Variants in TRPM7 observed in about 807,000 individuals in gnomAD.
TRPM7 encodes transient receptor potential cation channel subfamily M member 7, also known as LTRPC ion channel family member 7.
TRPM7 carries 134 observed loss-of-function variants against 229.7 expected under a neutral mutation model. That is an observed-to-expected ratio of 0.58 (90% CI 0.51 to 0.67). TRPM7 has a LOEUF of 0.67. Ranked by LOEUF, TRPM7 falls within the 30% of genes least tolerant of loss-of-function variation. TRPM7 has a pLI of 0.00. For synonymous variants in TRPM7, 699 were observed against 715.2 expected (o/e 0.98, Z 0.36); for missense variants, 1,901 against 2,210.0 (o/e 0.86, Z 2.80).
intron 13 of TRPM7, among the ~76,000 whole-genome samples, chr15:50,614,479 A>G (rs1428637028): frequency 2.0e-5 from 3 of 152,144 alleles, no homozygotes; most frequent in Non-Finnish European, 2.9e-5. Context: ...CCTGACCAAC[A>G]TGATGAAACC....
intron 38 of TRPM7, among the ~76,000 whole-genome samples, chr15:50,565,639 A>G (rs2053564974): frequency 6.6e-6 from 1 of 152,170 alleles, no homozygotes; most frequent in African/African-American, 2.4e-5. Context: ...GACAAATCCA[A>G]TTATATTTGG....
Position 50,574,341 on chromosome 15 carries a change from G to C in TRPM7, c.5241C>G (p.Ile1747Met), listed in dbSNP as rs746461896. 4 of 1,613,818 alleles carry C rather than the reference G, an allele frequency of 2.5e-6. No individual in the cohort carries two copies. In the African/African-American group the frequency reaches 4.0e-5, roughly 16 times the overall value. ...AAGTCCAGTGGCTAAAGGCTAGCAT[G>C]ATCTCTTCCAGAGTATTAGTTGGAA... ...EIIPTNTLEE[I>M]MLAFSHWTYE... Residue 1747 changes from isoleucine (I) to methionine (M), a missense_variant, in exon 36 of 39, where the codon ATC becomes ATG. Physicochemically the swap from Ile to Met is conservative, Grantham distance 10. Around this residue, in one of 8 missense-constraint regions of TRPM7, gnomAD observed 257 missense variants for 352.0 expected, o/e 0.73. Transcript: ENST00000646667.
chr15:50,654,050 C>G (rs2061492983), intron 3 of TRPM7, among the ~76,000 whole-genome samples: 1 of 152,152 alleles, frequency 6.6e-6, no homozygotes, highest in South Asian at 2.1e-4. Context: ...GAAAATCAAA[C>G]CTGAATGGAC....
chr15:50,578,121 A>G (rs1367520995), intron 31 of TRPM7, among the ~76,000 whole-genome samples: 3 of 152,230 alleles, frequency 2.0e-5, no homozygotes, highest in Admixed American at 2.0e-4. Context: ...AATTGTTTTT[A>G]GGTGCTGATT....
intron 11 of TRPM7, among the ~76,000 whole-genome samples, chr15:50,626,321 TA>T (rs2140602037): frequency 6.6e-6 from 1 of 152,238 alleles, no homozygotes; most frequent in East Asian, 1.9e-4. Context: ...AAAGGGGATA[TA>T]ACAAAATATT....
chr15:50,634,961 T>G (rs1299177543), intron 7 of TRPM7, among the ~76,000 whole-genome samples: 1 of 152,192 alleles, frequency 6.6e-6, no homozygotes, highest in Admixed American at 6.5e-5. Context: ...CTTCTAACAT[T>G]GATTTTTATT....
chr15:50,590,123 T>C (rs552487172), intron 26 of TRPM7, among the ~76,000 whole-genome samples: 1 of 152,300 alleles, frequency 6.6e-6, no homozygotes, highest in Non-Finnish European at 1.5e-5. Flanking sequence ...CCCAAAGTGC[T>C]GGGATTACAG....
Position 50,592,464 on chromosome 15 carries a change from A to G in TRPM7, c.3771T>C (p.Ala1257=). 1 of 1,614,136 alleles carries G rather than the reference A, an allele frequency of 6.2e-7. No individual in the cohort carries two copies. Among genetic ancestry groups the G allele is most frequent in the East Asian group, 2.2e-5 (1 of 44,876 alleles). ...KTLTAQKASE[A]SKVHNEITRE... is the part of the protein sequence containing the mutation. ...GTGTGATTTCATTATGAACTTTGCT[A>G]GCTTCCGACGCTTTCTGGGCAGTGA... Residue 1257 remains alanine, a synonymous_variant, in exon 26 of 39, where the codon GCT becomes GCC. Transcript: ENST00000646667.
chr15:50,589,876 G>T (rs2059442013), intron 26 of TRPM7, among the ~76,000 whole-genome samples: 1 of 102,442 alleles, frequency 9.8e-6, no homozygotes, highest in Non-Finnish European at 2.3e-5. Flanking sequence ...TTTTAAATTT[G>T]AGAACAAGTC....
intron 1 of TRPM7, among the ~76,000 whole-genome samples, chr15:50,666,726 T>A (rs1301074322): frequency 6.6e-6 from 1 of 151,650 alleles, no homozygotes; most frequent in South Asian, 2.1e-4. Context: ...TGCTTGAACC[T>A]GGGAAGCAGA....
At chr15:50,649,627 C>G (rs1407381988) in intron 3 of TRPM7, among the ~76,000 whole-genome samples, 3 of 152,020 alleles carry the variant, frequency 2.0e-5, no homozygotes, top group African/African-American at 7.2e-5. Flanking sequence ...GTGAACTAAT[C>G]TATATAGTGA....
chr15:50,584,792 C>T (rs140957664), intron 28 of TRPM7, among the ~76,000 whole-genome samples: 5 of 152,218 alleles, frequency 3.3e-5, no homozygotes, highest in South Asian at 4.1e-4. Context: ...AGCATACTAA[C>T]TTAGGAATAA....
chr15:50,597,163 T>A (rs1028855120), intron 22 of TRPM7, among the ~76,000 whole-genome samples: 2 of 152,216 alleles, frequency 1.3e-5, no homozygotes, highest in Admixed American at 6.5e-5. Flanking sequence ...ATACCGTGAT[T>A]AGATTTGAAT....
chr15:50,570,116 G>T lies in TRPM7; in HGVS notation c.5348C>A (p.Ala1783Glu). The T allele has an allele frequency of 6.2e-7, 1 of 1,609,888 alleles. No homozygotes were observed. Among genetic ancestry groups the T allele is most frequent in the Non-Finnish European group, 8.5e-7 (1 of 1,178,298 alleles). ...TAAAACTTATTACCTCTTTTCTTCTGCTTTTATCACAGATGGGTCAGTCAA... is the reference window on the plus strand; with the variant it reads ...TAAAACTTATTACCTCTTTTCTTCTTCTTTTATCACAGATGGGTCAGTCAA... The part of the protein sequence containing the change: ...ENLTDPSVIK[A>E]EEKRSCDMVF... The change falls in exon 37 of 39, where the codon GCA (alanine) becomes GAA (glutamate). Residue 1783 changes from alanine (A) to glutamate (E), a missense_variant. Physicochemically the swap from Ala to Glu is moderately radical, Grantham distance 107. Transcript: ENST00000646667.
At chr15:50,603,194 C>T (rs564222383) in intron 21 of TRPM7, among the ~76,000 whole-genome samples, 13 of 152,080 alleles carry the variant, frequency 8.5e-5, no homozygotes, top group South Asian at 6.2e-4. Context: ...AACAGTGCAG[C>T]GTGAAAGTGC....
rs1350224500 is a variant in TRPM7 at position 50,606,199 on chromosome 15, C to T, written c.2709+1001G>A. Among the ~76,000 whole-genome samples, 7 of 152,040 alleles carry T rather than the reference C, an allele frequency of 4.6e-5. No homozygotes were observed. In the East Asian group the frequency reaches 1.2e-3, roughly 25 times the overall value. On this transcript the variant is annotated intron_variant, in intron 20 of 38. Transcript: ENST00000646667. ...TTCAAGACCAGCCTCACCAACATGG[C>T]GAAACCACATCTCTACTAAAAATAC... is the stretch of plus-strand genomic sequence containing the variant.
In TRPM7 at chr15:50,613,577, A is replaced by G. The variant is rs537266906; in HGVS notation, c.1770+130T>C. The G allele has an allele frequency of 1.8e-5, 12 of 680,246 alleles. No individual in the cohort carries two copies. In the South Asian group the frequency reaches 4.0e-4, roughly 23 times the overall value. The allele number at this position is 680,246 out of a possible 1,614,324, so 42.1% of individuals were successfully genotyped here. A position where few individuals can be genotyped will look rare whatever the true frequency, so the allele number is the denominator to read the frequency against. On this transcript the variant is annotated intron_variant, in intron 15 of 38. Transcript: ENST00000646667. ...TATCTCTGTGTGTGAGAAAATGACA[A>G]TTCTAGGACATATCCAAAAACGAAA...
At chr15:50,664,199 G>C (rs1256020915) in intron 1 of TRPM7, among the ~76,000 whole-genome samples, 1 of 151,542 alleles carries the variant, frequency 6.6e-6, no homozygotes, top group African/African-American at 2.4e-5. Flanking sequence ...TCCGGAGGCT[G>C]AGGCAGGAGA....
chr15:50,623,765 T>A (rs1304113077), intron 12 of TRPM7, among the ~76,000 whole-genome samples: 1 of 149,244 alleles, frequency 6.7e-6, no homozygotes, highest in Non-Finnish European at 1.5e-5. Flanking sequence ...AAAAGGGGTA[T>A]ACCATGAGGT....
Sources: gnomAD v4.1 joint callset for allele counts (sites outside exome capture counted in the v4.1 genomes callset) on GRCh38, gnomAD v4.1.1 for gene constraint, gnomAD v4.1.1 regional missense constraint, MANE v1.5 for transcripts, NCBI Gene and HGNC (gene_info 2026-07-23, HGNC 2026-07-21) for gene names.